The following PRKN variants were observed in gnomAD, a reference collection of about 807,000 sequenced individuals.
The protein encoded by PRKN is E3 ubiquitin-protein ligase parkin.
A neutral mutation model predicts 59.5 loss-of-function variants in PRKN; 56 were observed. The observed-to-expected ratio is 0.94, with a 90% confidence interval of 0.76 to 1.18. PRKN has a LOEUF of 1.18. PRKN is among the 50% of genes most tolerant of loss of function. PRKN has a pLI of 0.00. For synonymous variants in PRKN, 250 were observed against 222.1 expected (o/e 1.13, Z -1.12); for missense variants, 657 against 596.4 (o/e 1.10, Z -1.06).
intron 9 of PRKN, among the ~76,000 whole-genome samples, chr6:161,394,353 T>C (rs1490711975): frequency 6.6e-6 from 1 of 151,852 alleles, no homozygotes; most frequent in Non-Finnish European, 1.5e-5. Flanking sequence ...CTCTGTAGAG[T>C]ACCCACGTTC....
intron 1 of PRKN, among the ~76,000 whole-genome samples, chr6:162,721,832 A>C (rs1048633357): frequency 6.6e-6 from 1 of 152,218 alleles, no homozygotes; most frequent in African/African-American, 2.4e-5. Flanking sequence ...TGACATGGAA[A>C]ATTTCACATA....
At chr6:162,053,848 T>C (rs1334875733) in intron 5 of PRKN, among the ~76,000 whole-genome samples, 2 of 152,144 alleles carry the variant, frequency 1.3e-5, no homozygotes, top group Non-Finnish European at 2.9e-5. Context: ...TGAGTTTAAA[T>C]TGGCACATTT....
intron 1 of PRKN, among the ~76,000 whole-genome samples, chr6:162,686,681 C>T (rs1464720519): frequency 6.6e-6 from 1 of 152,152 alleles, no homozygotes; most frequent in Non-Finnish European, 1.5e-5. Context: ...GGAAGTCAAG[C>T]TGGGTAAATC....
intron 7 of PRKN, among the ~76,000 whole-genome samples, chr6:161,721,899 C>G (rs1365914618): frequency 6.6e-6 from 1 of 152,216 alleles, no homozygotes; most frequent in South Asian, 2.1e-4. Context: ...TTGACCCCAG[C>G]TTTCAGGTCC....
In PRKN at chr6:161,448,629, T is replaced by A. The variant is rs1371584808; in HGVS notation, c.1084-61752A>T. On this transcript the variant is annotated intron_variant, in intron 9 of 11. Coordinates refer to ENST00000366898, the MANE Select transcript of PRKN (RefSeq NM_004562.3). This position sits in a 1 kb window ranked among gnomAD's most constrained non-coding sequence, Gnocchi z 5.1. ...CTGACGTTCCCGTATATCTTTTCCA[T>A]CCAAATATTTGCATTTTTGCTACAC... is the stretch of plus-strand genomic sequence containing the variant. Among the ~76,000 whole-genome samples, 1 of 152,210 alleles carries A rather than the reference T, an allele frequency of 6.6e-6. No individual in the cohort carries two copies. The highest frequency in any genetic ancestry group is 1.5e-5 in the Non-Finnish European group (1 of 68,044).
intron 5 of PRKN, among the ~76,000 whole-genome samples, chr6:162,044,271 C>A (rs560599431): frequency 2.0e-5 from 3 of 152,192 alleles, no homozygotes; most frequent in Non-Finnish European, 4.4e-5. Flanking sequence ...ACGCCTATTA[C>A]GCTAATGAAC....
At chr6:162,258,520 T>C (rs1256132449) in intron 3 of PRKN, among the ~76,000 whole-genome samples, 1 of 118,162 alleles carries the variant, frequency 8.5e-6, no homozygotes, top group Non-Finnish European at 1.6e-5. Flanking sequence ...AACGTTCTTA[T>C]TGAAAATGTA....
At position 162,197,516 on chromosome 6, in the gene PRKN, T is replaced by C. The variant is rs1013720126; in HGVS notation, c.534+3615A>G. On this transcript the variant is annotated intron_variant, in intron 4 of 11. Transcript: ENST00000366898. ...AAGTACAAGGGAAGTAGTTAGAAAA[T>C]AGAACACTGATTACTAGATTTGTAT... 2.6e-5 allele frequency among the ~76,000 whole-genome samples: 4 copies of C among 152,166 alleles called. No homozygotes were observed. The East Asian group carries it at 5.8e-4, about 22-fold the overall frequency.
At chr6:162,546,021 G>A (rs1362293147) in intron 1 of PRKN, among the ~76,000 whole-genome samples, 3 of 150,898 alleles carry the variant, frequency 2.0e-5, no homozygotes, top group African/African-American at 4.9e-5. Context: ...AGAAGCAATG[G>A]TTATTCAGTT....
chr6:161,806,163 G>A (rs1295991263), intron 6 of PRKN, among the ~76,000 whole-genome samples: 1 of 152,194 alleles, frequency 6.6e-6, no homozygotes, highest in African/African-American at 2.4e-5. Flanking sequence ...AAGCAGCCAT[G>A]TCATTACCAA....
chr6:162,680,898 A>G (rs1319568215), intron 1 of PRKN, among the ~76,000 whole-genome samples: 3 of 152,152 alleles, frequency 2.0e-5, no homozygotes, highest in Non-Finnish European at 1.5e-5. Flanking sequence ...TGTCCTTATT[A>G]TTGTTTTCAC....
rs554428401 is a variant in PRKN, at chr6:161,777,827, T to C, written c.871+7945A>G. Among the ~76,000 whole-genome samples the C allele has an allele frequency of 3.0e-3, 413 of 136,880 alleles. 5 individuals are homozygous for C. The highest frequency in any genetic ancestry group is 0.012 in the African/African-American group (389 of 31,668). The allele number at this position is 136,880 out of a possible 152,430, so 89.8% of individuals were successfully genotyped here. On this transcript the variant is annotated intron_variant, in intron 7 of 11. Coordinates refer to ENST00000366898, the MANE Select transcript of PRKN (RefSeq NM_004562.3). ...ATATATGTATATATGTGTATATATG[T>C]ATATGTATACGTATATATGTATATA...
At chr6:162,469,175 T>C (rs1011573502) in intron 1 of PRKN, among the ~76,000 whole-genome samples, 2 of 152,248 alleles carry the variant, frequency 1.3e-5, no homozygotes, top group East Asian at 3.9e-4. Flanking sequence ...AATCAGCCTG[T>C]GCTCAGACCA....
chr6:161,872,211 G>A (rs931650503), intron 6 of PRKN, among the ~76,000 whole-genome samples: 1 of 150,308 alleles, frequency 6.7e-6, no homozygotes, highest in Non-Finnish European at 1.5e-5. Flanking sequence ...GTCAGTGGGA[G>A]GACGCAGCAG....
At chr6:161,870,920 C>T (rs1201905257) in intron 6 of PRKN, among the ~76,000 whole-genome samples, 1 of 151,650 alleles carries the variant, frequency 6.6e-6, no homozygotes, top group Non-Finnish European at 1.5e-5. Context: ...CTAAATGAGA[C>T]ATGGGGAAAA....
chr6:161,826,593 C>G (rs1792254875), intron 6 of PRKN, among the ~76,000 whole-genome samples: 1 of 152,202 alleles, frequency 6.6e-6, no homozygotes, highest in African/African-American at 2.4e-5. Context: ...ACCAACCCAT[C>G]TCAGACGCAG....
At chr6:162,167,549 A>G (rs1156414529) in intron 4 of PRKN, among the ~76,000 whole-genome samples, 1 of 152,190 alleles carries the variant, frequency 6.6e-6, no homozygotes, top group Non-Finnish European at 1.5e-5. Context: ...AATTTCCACG[A>G]AACAGTCAGT....
chr6:162,113,670 C>T (rs9355979), intron 4 of PRKN, among the ~76,000 whole-genome samples: 31,885 of 151,982 alleles, frequency 0.21, 3,664 homozygotes, highest in Non-Finnish European at 0.26. Flanking sequence ...CTAAATTATC[C>T]CAGGATCGGT....
At chr6:162,294,173 G>A (rs1203938625) in intron 2 of PRKN, among the ~76,000 whole-genome samples, 2 of 152,106 alleles carry the variant, frequency 1.3e-5, no homozygotes, top group African/African-American at 2.4e-5. Context: ...TGTACTAAGA[G>A]TTCATGAAAG....
Sources: gnomAD v4.1 joint callset for allele counts (sites outside exome capture counted in the v4.1 genomes callset) on GRCh38, gnomAD v4.1.1 for gene constraint, Gnocchi (gnomAD v3.1) non-coding constraint, MANE v1.5 for transcripts, NCBI Gene and HGNC (gene_info 2026-07-23, HGNC 2026-07-21) for gene names.